Variants in TKFC observed in about 807,000 individuals in gnomAD.
TKFC encodes triokinase and FMN cyclase.
In TKFC, 46 loss-of-function variants were observed where a neutral mutation model predicts 61.0. The ratio of observed to expected loss-of-function variants is 0.75; its 90% CI spans 0.60 to 0.96. The LOEUF (loss-of-function observed/expected upper bound fraction) is 0.96. Among genes scored for constraint, TKFC ranks in the 50% least tolerant of loss-of-function variants. The pLI is 0.00. For missense variants in TKFC, 715 were observed against 777.5 expected (o/e 0.92, Z 0.96); for synonymous variants, 314 against 330.1 (o/e 0.95, Z 0.53).
At chr11:61,341,256 G>A (rs560539564) in intron 5 of TKFC, among the ~76,000 whole-genome samples, 180 bp from the exon 6 acceptor site, 1 of 152,332 alleles carries the variant, frequency 6.6e-6, no homozygotes, top group South Asian at 2.1e-4. Context: ...AAGATTCCTG[G>A]CAGGTACACT....
At chr11:61,349,724 G>A, downstream of TKFC, 1 of 686,226 alleles carries the variant, frequency 1.5e-6, no homozygotes, top group Non-Finnish European at 2.7e-6. Context: ...AGAGCGGTCA[G>A]CTCCTCAGCA....
At chr11:61,350,180 C>T (rs531913173), downstream of TKFC, 69 of 613,944 alleles carry the variant, frequency 1.1e-4, no homozygotes, top group African/African-American at 7.6e-4. Flanking sequence ...AGCAAGCGGC[C>T]GGAGAGGGCA....
chr11:61,337,247 G>A (rs1856645575), intron 2 of TKFC, among the ~76,000 whole-genome samples: 1 of 152,212 alleles, frequency 6.6e-6, no homozygotes, highest in Non-Finnish European at 1.5e-5. Context: ...CCAGGTTCAA[G>A]TGATCCTCCC....
rs773310649 is a variant in TKFC at position 61,339,247 on chromosome 11, C to T, written c.305-7C>T. 6.2e-7 allele frequency: 1 copy of T among 1,611,922 alleles called. No individual in the cohort carries two copies. The highest frequency in any genetic ancestry group is 8.5e-7 in the Non-Finnish European group (1 of 1,178,800). ...AGCACACTGAGCCCTTCCGGCTGCT[C>T]CCGCAGTGGGGACGCTCCTTATCGT... On this transcript the variant is annotated splice_polypyrimidine_tract_variant and splice_region_variant and intron_variant, in intron 4 of 17. Coordinates refer to ENST00000394900, the MANE Select transcript of TKFC (RefSeq NM_015533.4).
chr11:61,352,670 GA>G, downstream of TKFC: 1 of 585,874 alleles, frequency 1.7e-6, no homozygotes, highest in Non-Finnish European at 2.4e-6. Context: ...CAAAAAAAAA[GA>G]AAAAAGAAAA....
At position 61,346,427 on chromosome 11, in the gene TKFC, G is replaced by A. The variant is rs148490477; in HGVS notation, c.1652G>A (p.Arg551Gln). 2.2e-4 allele frequency: 362 copies of A among 1,611,884 alleles called. 1 individual carries two copies. The highest frequency in any genetic ancestry group is 3.2e-4 in the Admixed American group (19 of 60,014). ...AGAGCCAGTTATATCAGCTCAGCACGGCTGGAGCAGCCAGACCCCGGGGCG... is the reference window on the plus strand; with the variant it reads ...AGAGCCAGTTATATCAGCTCAGCACAGCTGGAGCAGCCAGACCCCGGGGCG... ...AGRASYISSA[R>Q]LEQPDPGAVA... Residue 551 changes from arginine to glutamine, a missense_variant, in exon 18 of 18, where the codon CGG (arginine) becomes CAG (glutamine). Arg to Gln is a conservative substitution (Grantham distance 43, BLOSUM62 1). Coordinates refer to ENST00000394900, the MANE Select transcript of TKFC (RefSeq NM_015533.4). The surrounding 1 kb of genome is among the most constrained non-coding windows in gnomAD (Gnocchi z 4.1).
chr11:61,338,090 G>A lies in TKFC; in HGVS notation c.153G>A (p.Leu51=). The change falls in exon 3 of 18, where the codon CTG becomes CTA. Residue 51 remains leucine, a synonymous_variant. Transcript: ENST00000394900. ...ACAGCCTCAAGGGCCGGGTGGCACT[G>A]CTGTCGGGTGGGGGCTCTGGCCATG... ...DLDSLKGRVA[L]LSGGGSGHEP... is the part of the protein sequence containing the mutation. 6.2e-7 allele frequency: 1 copy of A among 1,607,908 alleles called. No individual in the cohort carries two copies. Among genetic ancestry groups the A allele is most frequent in the Non-Finnish European group, 8.5e-7 (1 of 1,178,980 alleles).
downstream of TKFC, chr11:61,352,489 G>A (rs776201569): frequency 4.7e-4 from 79 of 166,406 alleles, no homozygotes; most frequent in Non-Finnish European, 7.0e-4. Flanking sequence ...GTGAAACCCC[G>A]TCCCTACTAA....
At chr11:61,338,937 C>A in intron 3 of TKFC, 129 bp from the exon 4 acceptor site, 1 of 753,786 alleles carries the variant, frequency 1.3e-6, no homozygotes. Flanking sequence ...ATGTGAAGAC[C>A]TGGGGGATCT....
In TKFC at chr11:61,347,681, G is replaced by T. The variant is rs1371268304; in HGVS notation, c.*1178G>T. On this transcript the variant is annotated 3_prime_UTR_variant, in exon 18 of 18. Transcript: ENST00000394900. ...AGCACATGCCTGGCACACATGTAGG[G>T]TAGGGAGTGGTTAAAGGCACTGGCT... 5.1e-6 allele frequency: 5 copies of T among 985,366 alleles called. No homozygotes were observed. The highest frequency in any genetic ancestry group is 4.8e-6 in the Non-Finnish European group (4 of 829,958). The allele number at this position is 985,366 out of a possible 1,614,324, so 61.0% of individuals were successfully genotyped here.
intron 1 of TKFC, chr11:61,334,118 T>A (rs1463416918): frequency 6.6e-6 from 1 of 152,524 alleles, no homozygotes; most frequent in Non-Finnish European, 1.5e-5. Context: ...AAAAACACAC[T>A]CTGTAGAAAA....
chr11:61,342,549 G>A, intron 8 of TKFC, 25 bp from the exon 9 acceptor site: 5 of 1,614,048 alleles, frequency 3.1e-6, no homozygotes, highest in Non-Finnish European at 4.2e-6. Context: ...CCCAGATGCA[G>A]CTCATTCCTG....
In TKFC at chr11:61,341,816, C is replaced by G; in HGVS notation, c.566-7C>G. The G allele has an allele frequency of 2.5e-6, 4 of 1,613,492 alleles. No homozygotes were observed. The highest frequency in any genetic ancestry group is 3.4e-6 in the Non-Finnish European group (4 of 1,179,488). ...ACAGTCATCCCTTCATGCCTTGTTT[C>G]TCATAGGTACCCTGGGGGTGAGCTT... On this transcript the variant is annotated splice_region_variant and splice_polypyrimidine_tract_variant and intron_variant, in intron 6 of 17. Coordinates refer to ENST00000394900, the MANE Select transcript of TKFC (RefSeq NM_015533.4).
In TKFC at chr11:61,341,515, G is replaced by A; in HGVS notation, c.565+1G>A. The A allele has an allele frequency of 1.3e-6, 2 of 1,554,400 alleles. No homozygotes were observed. Among genetic ancestry groups the A allele is most frequent in the Non-Finnish European group, 1.7e-6 (2 of 1,148,416 alleles). Reference sequence around the variant, plus strand: ...GTGAACGTGGTCGCCAAGGCCATGGGTGAGTGCTGGCCTGGGAGCTGGGGA... The same window carrying A: ...GTGAACGTGGTCGCCAAGGCCATGGATGAGTGCTGGCCTGGGAGCTGGGGA... On this transcript the variant is annotated splice_donor_variant, in intron 6 of 17. Transcript: ENST00000394900. LOFTEE classifies it high-confidence loss of function.
chr11:61,351,228 A>G (rs1288076577), downstream of TKFC: 2 of 1,451,786 alleles, frequency 1.4e-6, no homozygotes, highest in Admixed American at 5.2e-5. Context: ...TGTCACTAAC[A>G]GAGGGTGAGA....
rs747911083 is a variant in TKFC at position 61,345,737 on chromosome 11, A to G, written c.1477A>G (p.Arg493Gly). 40 of 1,614,126 alleles carry G rather than the reference A, an allele frequency of 2.5e-5. No individual in the cohort carries two copies. In the East Asian group the frequency reaches 8.9e-4, roughly 36 times the overall value. ...QKYGKAAPGD[R>G]TMLDSLWAAG... ...GTATGGCAAGGCTGCTCCAGGGGAC[A>G]GGACTATGGTATGTACTCAGGCTGT... The change falls in exon 16 of 18, where the codon AGG (arginine) becomes GGG (glycine). Residue 493 changes from arginine to glycine, a missense_variant. Physicochemically the swap from Arg to Gly is moderately radical, Grantham distance 125. Transcript: ENST00000394900.
Position 61,347,903 on chromosome 11 carries a change from C to T in TKFC, c.*1400C>T, listed in dbSNP as rs143340712. ...CCAAGTGCTCACTCACTGAGAGTTA[C>T]GGTTATCACAGGGGTTGGGCCCCCA... is the stretch of plus-strand genomic sequence containing the variant. On this transcript the variant is annotated 3_prime_UTR_variant, in exon 18 of 18. Transcript: ENST00000394900. 159 of 985,378 alleles carry T rather than the reference C, an allele frequency of 1.6e-4. No individual in the cohort carries two copies. Among genetic ancestry groups the T allele is most frequent in the African/African-American group, 9.3e-4 (53 of 57,268 alleles). The allele number at this position is 985,378 out of a possible 1,614,324, so 61.0% of individuals were successfully genotyped here.
intron 2 of TKFC, chr11:61,335,867 T>C (rs551138179): frequency 6.6e-6 from 1 of 152,332 alleles, no homozygotes; most frequent in South Asian, 2.1e-4. Context: ...CAATCTCGGC[T>C]CACCACAACC....
chr11:61,346,774 G>A lies in TKFC; in HGVS notation c.*271G>A, dbSNP rs1430422544. The A allele has an allele frequency of 5.7e-6, 7 of 1,220,194 alleles. No individual in the cohort carries two copies. The highest frequency in any genetic ancestry group is 7.2e-6 in the Non-Finnish European group (7 of 977,520). 75.6% of individuals were successfully genotyped at this position (1,220,194 alleles called of 1,614,324 possible). A position where few individuals can be genotyped will look rare whatever the true frequency, so the allele number is the denominator to read the frequency against. ...GTCATGCCCTCCCCTGCCAGCTCTG[G>A]GCTTCAGAGATAAGGCATTTTCCTT... is the stretch of plus-strand genomic sequence containing the variant. On this transcript the variant is annotated 3_prime_UTR_variant, in exon 18 of 18. Transcript: ENST00000394900. This position sits in a 1 kb window ranked among gnomAD's most constrained non-coding sequence, Gnocchi z 4.1.
Sources: gnomAD v4.1 joint callset for allele counts (sites outside exome capture counted in the v4.1 genomes callset) on GRCh38, gnomAD v4.1.1 for gene constraint, Gnocchi (gnomAD v3.1) non-coding constraint, MANE v1.5 for transcripts, NCBI Gene and HGNC (gene_info 2026-07-23, HGNC 2026-07-21) for gene names.